CCND3: variants seen among roughly 807,000 people sequenced by gnomAD.
CCND3 encodes cyclin D3, also known as G1/S-specific cyclin-D3.
A neutral mutation model predicts 28.7 loss-of-function variants in CCND3; 9 were observed. The ratio of observed to expected loss-of-function variants is 0.31; its 90% CI spans 0.19 to 0.55. CCND3 has a LOEUF of 0.55. Among genes scored for constraint, CCND3 ranks in the 20% least tolerant of loss-of-function variants. The probability of loss-of-function intolerance (pLI) is 0.93; values close to 1 mark genes in which losing one functional copy is unlikely to be tolerated. For missense variants in CCND3, 315 were observed against 385.8 expected, an observed-to-expected ratio of 0.82 and a Z score of 1.54; for synonymous variants, 164 against 163.9, an observed-to-expected ratio of 1.00 and a Z score of 0.00.
chr6:42,036,306 T>TTATATATATATATA lies in CCND3; in HGVS notation c.-46+12181_-46+12194dup, dbSNP rs566638387. 7.2e-3 allele frequency among the ~76,000 whole-genome samples: 942 copies of TTATATATATATATA among 130,612 alleles called. 5 individuals are homozygous for TTATATATATATATA. Among genetic ancestry groups the TTATATATATATATA allele is most frequent in the South Asian group, 0.025 (104 of 4,122 alleles). 85.7% of individuals were successfully genotyped at this position (130,612 alleles called of 152,430 possible). ...CCATGCCTGGCCTAAAAATTATTATTTATATATATATATATATAAAATATA... is the reference window on the plus strand; with the variant it reads ...CCATGCCTGGCCTAAAAATTATTATTTATATATATATATATATATATATATATATATAAAATATA... On this transcript the variant is annotated intron_variant, in intron 1 of 4. Coordinates refer to the CCND3 transcript ENST00000372988.
chr6:41,950,336 G>A (rs1776272520), intron 1 of CCND3, among the ~76,000 whole-genome samples: 1 of 152,152 alleles, frequency 6.6e-6, no homozygotes, highest in South Asian at 2.1e-4. Flanking sequence ...CCTCATTCTA[G>A]GCAGGAGATA....
Position 41,986,431 on chromosome 6 carries a change from T to G in CCND3, c.-45-45846A>C, listed in dbSNP as rs138021655. On this transcript the variant is annotated intron_variant, in intron 1 of 4. Transcript: ENST00000372988. ...CACAGAATATCATTCCATTTATTTG[T>G]GTCTTCTTTAATTTATTTCATCAAT... Among the ~76,000 whole-genome samples, 160 of 152,110 alleles carry G rather than the reference T, an allele frequency of 1.1e-3. 1 individual carries two copies. The Middle Eastern group carries it at 0.024, about 23-fold the overall frequency.
At position 41,938,611 on chromosome 6, in the gene CCND3, G is replaced by A. The variant is rs1050767823; in HGVS notation, c.415-1217C>T. Among the ~76,000 whole-genome samples, 23 of 152,340 alleles carry A rather than the reference G, an allele frequency of 1.5e-4. No individual in the cohort carries two copies. Among genetic ancestry groups the A allele is most frequent in the Admixed American group, 1.3e-3 (20 of 15,308 alleles). Reference sequence around the variant, plus strand: ...TCTCCCTATGGGGAGGCAAGGGGTTGTGTTTGAGGGAAAGTGGCCACCTTT... The same window carrying A: ...TCTCCCTATGGGGAGGCAAGGGGTTATGTTTGAGGGAAAGTGGCCACCTTT... On this transcript the variant is annotated intron_variant, in intron 2 of 4. Transcript: ENST00000372991. The surrounding 1 kb of genome is among the most constrained non-coding windows in gnomAD (Gnocchi z 4.6).
intron 3 of CCND3, chr6:41,937,025 A>AAT: frequency 1.6e-6 from 1 of 618,970 alleles, no homozygotes; most frequent in Non-Finnish European, 2.8e-6. Context: ...TTCTCTCTAT[A>AAT]CCCTCAGTGT....
At chr6:41,955,980 A>C (rs1170082764) in intron 1 of CCND3, among the ~76,000 whole-genome samples, 19 of 152,186 alleles carry the variant, frequency 1.2e-4, no homozygotes, top group Admixed American at 1.1e-3. Flanking sequence ...TGATTGAATA[A>C]AAATTTTAAA....
At chr6:42,042,564 C>T (rs143865154) in intron 1 of CCND3, among the ~76,000 whole-genome samples, 1,910 of 152,136 alleles carry the variant, frequency 0.013, 35 homozygotes, top group African/African-American at 0.044. Flanking sequence ...TTCTCCATGT[C>T]GGTCAGGGTG....
chr6:42,014,554 C>T (rs1331573543), intron 1 of CCND3, among the ~76,000 whole-genome samples: 1 of 152,146 alleles, frequency 6.6e-6, no homozygotes, highest in Non-Finnish European at 1.5e-5. Context: ...TATATACATA[C>T]CAGGTCAGTG....
intron 1 of CCND3, among the ~76,000 whole-genome samples, chr6:42,024,822 G>A (rs989330972): frequency 1.3e-5 from 2 of 152,186 alleles, no homozygotes; most frequent in Non-Finnish European, 2.9e-5. Context: ...ACTTTGGGAG[G>A]CTGAGGAGGG....
At chr6:41,996,851 G>C (rs57958307) in intron 1 of CCND3, among the ~76,000 whole-genome samples, 4,302 of 152,056 alleles carry the variant, frequency 0.028, 193 homozygotes, top group African/African-American at 0.096. Context: ...TTTTAGTAGA[G>C]ACAGGATTTC....
intron 1 of CCND3, among the ~76,000 whole-genome samples, chr6:42,023,792 C>T (rs1308118530): frequency 6.6e-6 from 1 of 152,116 alleles, no homozygotes; most frequent in Non-Finnish European, 1.5e-5. Flanking sequence ...TGTCACTGAC[C>T]ATCTTAACTG....
chr6:41,944,383 AT>A (rs201736804), upstream of CCND3, among the ~76,000 whole-genome samples: 1,712 of 142,458 alleles, frequency 0.012, 24 homozygotes, highest in African/African-American at 0.027. Flanking sequence ...TTCACGGTGG[AT>A]TTTTTTTTTT....
rs1198218602 is a variant in CCND3 at position 41,941,476 on chromosome 6, C to T, written c.174G>A (p.Lys58=). ...VQREIKPHMR[K]MLAYWMLEVC... is the part of the protein sequence containing the mutation. ...CCTCCAGCATCCAGTAAGCCAGCATCTTCCGCATGTGCGGCTTGATCTCCC... is the reference window on the plus strand; with the variant it reads ...CCTCCAGCATCCAGTAAGCCAGCATTTTCCGCATGTGCGGCTTGATCTCCC... Residue 58 remains lysine (K), a synonymous_variant, in exon 1 of 5, where the codon AAG becomes AAA. Coordinates refer to ENST00000372991, the MANE Select transcript of CCND3 (RefSeq NM_001760.5). The surrounding 1 kb of genome is among the most constrained non-coding windows in gnomAD (Gnocchi z 6.1). 1.1e-5 allele frequency: 17 copies of T among 1,608,082 alleles called. No individual in the cohort carries two copies. In the African/African-American group the frequency reaches 2.1e-4, roughly 20 times the overall value.
intron 1 of CCND3, among the ~76,000 whole-genome samples, chr6:41,961,196 G>A (rs974752513): frequency 6.6e-6 from 1 of 152,174 alleles, no homozygotes; most frequent in South Asian, 2.1e-4. Flanking sequence ...CCTTGTGGCC[G>A]AGCGTGGTGG....
intron 1 of CCND3, among the ~76,000 whole-genome samples, chr6:41,983,777 T>A (rs1465454130): frequency 6.6e-6 from 1 of 151,780 alleles, no homozygotes; most frequent in Non-Finnish European, 1.5e-5. Context: ...GCCTGGGAGG[T>A]TAAGGCTATA....
chr6:42,036,696 G>C lies in CCND3; in HGVS notation c.-46+11805C>G, dbSNP rs1443940327. Among the ~76,000 whole-genome samples, 5 of 151,796 alleles carry C rather than the reference G, an allele frequency of 3.3e-5. No individual in the cohort carries two copies. The East Asian group carries it at 9.7e-4, about 29-fold the overall frequency. ...TGAGATTACAGGCATGAGCCACTGTGCCTGGCCAGTCCTCTCTTTTCTAAT... is the reference window on the plus strand; with the variant it reads ...TGAGATTACAGGCATGAGCCACTGTCCCTGGCCAGTCCTCTCTTTTCTAAT... On this transcript the variant is annotated intron_variant, in intron 1 of 4. Transcript: ENST00000372988.
chr6:42,005,913 C>T (rs1043214763), intron 1 of CCND3, among the ~76,000 whole-genome samples: 11 of 152,010 alleles, frequency 7.2e-5, no homozygotes, highest in Non-Finnish European at 1.5e-4. Context: ...GAACTCCTGA[C>T]CTCAGGTGAT....
At chr6:41,958,301 T>C (rs1776490626) in intron 1 of CCND3, among the ~76,000 whole-genome samples, 3 of 152,070 alleles carry the variant, frequency 2.0e-5, no homozygotes, top group Admixed American at 2.0e-4. Flanking sequence ...CTGGCCTACT[T>C]TTTCATTTTT....
chr6:42,005,434 T>C (rs1036705909), intron 1 of CCND3, among the ~76,000 whole-genome samples: 1 of 147,802 alleles, frequency 6.8e-6, no homozygotes, highest in African/African-American at 2.5e-5. Flanking sequence ...CCTAGCCACT[T>C]GGAGGCCGAG....
chr6:41,935,951 T>C lies in CCND3; in HGVS notation c.868A>G (p.Ile290Val). 1 of 1,611,270 alleles carries C rather than the reference T, an allele frequency of 6.2e-7. No homozygotes were observed. The highest frequency in any genetic ancestry group is 1.1e-5 in the South Asian group (1 of 90,574). ...GGGCCTCTCCAGGGCTACAGGTGTA[T>C]GGCTGTGACATCTGTAGGAGTGCTG... ...QTSTPTDVTAIHL is the reference protein window; with the variant it reads ...QTSTPTDVTAVHL Residue 290 changes from isoleucine to valine, a missense_variant, in exon 5 of 5, where the codon ATA becomes GTA. Physicochemically the swap from Ile to Val is conservative, Grantham distance 29. Transcript: ENST00000372991.
Sources: allele counts gnomAD v4.1 joint callset (sites outside exome capture counted in the v4.1 genomes callset), GRCh38; gene constraint gnomAD v4.1.1; non-coding constraint Gnocchi (gnomAD v3.1); transcripts MANE v1.5; gene names NCBI Gene and HGNC (gene_info 2026-07-23, HGNC 2026-07-21).